Variants in DNER observed in about 807,000 individuals in gnomAD.
DNER encodes the protein delta/notch like EGF repeat containing.
DNER carries 33 observed loss-of-function variants against 78.2 expected under a neutral mutation model. That is an observed-to-expected ratio of 0.42 (90% CI 0.32 to 0.56). DNER has a LOEUF of 0.56. Ranked by LOEUF, DNER falls within the 20% of genes least tolerant of loss-of-function variation. DNER has a pLI of 0.11. For synonymous variants in DNER, 417 were observed against 384.8 expected, an observed-to-expected ratio of 1.08 and a Z score of -0.98; for missense variants, 918 against 975.3, an observed-to-expected ratio of 0.94 and a Z score of 0.78.
intron 8 of DNER, among the ~76,000 whole-genome samples, chr2:229,421,659 A>AGAGAGAGAGAGAGG (rs61049506): frequency 1.4e-5 from 2 of 144,594 alleles, no homozygotes; most frequent in African/African-American, 5.2e-5. Flanking sequence ...AGAGAGAGAG[A>AGAGAGAGAGAGAGG]GAGAAAGTGG....
At chr2:229,671,358 G>C (rs1364111924) in intron 1 of DNER, among the ~76,000 whole-genome samples, 1 of 152,156 alleles carries the variant, frequency 6.6e-6, no homozygotes, top group East Asian at 1.9e-4. Flanking sequence ...TCCTCCTGCT[G>C]TTCCTCCAAA....
intron 4 of DNER, among the ~76,000 whole-genome samples, chr2:229,572,096 TA>T (rs1697228445): frequency 6.6e-6 from 1 of 152,158 alleles, no homozygotes; most frequent in Non-Finnish European, 1.5e-5. Context: ...TCCACTACCC[TA>T]GCCAAATTGT....
At chr2:229,586,843 A>T (rs533367507) in intron 3 of DNER, 1 of 985,494 alleles carries the variant, frequency 1.0e-6, no homozygotes, top group Non-Finnish European at 1.2e-6. Flanking sequence ...GACTCCGCAC[A>T]GATCCGCTCC....
chr2:229,495,073 A>G (rs1695472476), intron 6 of DNER, among the ~76,000 whole-genome samples: 1 of 152,154 alleles, frequency 6.6e-6, no homozygotes, highest in Non-Finnish European at 1.5e-5. Context: ...GAATTTTCCA[A>G]ATCTTCAAGT....
intron 9 of DNER, among the ~76,000 whole-genome samples, chr2:229,410,515 T>C (rs963567248): frequency 1.3e-5 from 2 of 152,182 alleles, no homozygotes; most frequent in South Asian, 4.1e-4. Flanking sequence ...GAAAACCAGG[T>C]CCACACTTCA....
chr2:229,687,894 C>A (rs1346689371), intron 1 of DNER, among the ~76,000 whole-genome samples: 1 of 152,234 alleles, frequency 6.6e-6, no homozygotes, highest in African/African-American at 2.4e-5. Context: ...TCTACCTTAA[C>A]TGTCACCATT....
intron 3 of DNER, among the ~76,000 whole-genome samples, chr2:229,586,508 TAAA>T (rs555047737): frequency 7.4e-5 from 1 of 13,484 alleles, no homozygotes; most frequent in African/African-American, 2.7e-4. Flanking sequence ...TCATTTTTGG[TAAA>T]AAAAAAAAAA....
chr2:229,696,731 A>G (rs1699668050), intron 1 of DNER, among the ~76,000 whole-genome samples: 1 of 152,148 alleles, frequency 6.6e-6, no homozygotes, highest in Non-Finnish European at 1.5e-5. Flanking sequence ...ACATGAAGAG[A>G]CAAGGGATTT....
At chr2:229,643,577 G>T (rs1451445632) in intron 1 of DNER, among the ~76,000 whole-genome samples, 1 of 152,182 alleles carries the variant, frequency 6.6e-6, no homozygotes, top group Non-Finnish European at 1.5e-5. Context: ...ACCTTGGGTA[G>T]GTTACTTAGG....
rs372715730 is a variant in DNER, at chr2:229,398,669, C to T, written c.1723+8563G>A. Among the ~76,000 whole-genome samples the T allele has an allele frequency of 2.0e-4, 31 of 152,088 alleles. 1 individual carries two copies. The highest frequency in any genetic ancestry group is 6.5e-4 in the African/African-American group (27 of 41,538). The stretch of plus-strand genomic sequence containing the variant: ...ACAACTTGAGAAACAACTTGTTTCT[C>T]ATGACTATAGATACAAAAATTCTGA... On this transcript the variant is annotated intron_variant, in intron 10 of 12. Coordinates refer to ENST00000341772, the MANE Select transcript of DNER (RefSeq NM_139072.4).
At chr2:229,625,355 G>A (rs753658826) in intron 1 of DNER, among the ~76,000 whole-genome samples, 2 of 152,042 alleles carry the variant, frequency 1.3e-5, no homozygotes, top group Non-Finnish European at 2.9e-5. Flanking sequence ...CCTGCTTCCC[G>A]ATTCCACTCC....
At chr2:229,402,542 A>G (rs1693290201) in intron 10 of DNER, among the ~76,000 whole-genome samples, 1 of 152,230 alleles carries the variant, frequency 6.6e-6, no homozygotes, top group Non-Finnish European at 1.5e-5. Context: ...AGAGAAAGAT[A>G]TAGTAACATC....
intron 1 of DNER, among the ~76,000 whole-genome samples, chr2:229,672,558 GGAGGAGGAA>G (rs1699227832): frequency 6.6e-6 from 1 of 151,628 alleles, no homozygotes; most frequent in Admixed American, 6.6e-5. Context: ...AGGACTAGGA[GGAGGAGGAA>G]GAGGAGAGAA....
chr2:229,712,659 G>C (rs1335525498), intron 1 of DNER, among the ~76,000 whole-genome samples: 1 of 152,184 alleles, frequency 6.6e-6, no homozygotes, highest in Admixed American at 6.5e-5. Context: ...TTGATTTGCA[G>C]TTATTTTGAC....
chr2:229,676,191 AG>A (rs1360839438), intron 1 of DNER, among the ~76,000 whole-genome samples: 1 of 152,216 alleles, frequency 6.6e-6, no homozygotes, highest in Non-Finnish European at 1.5e-5. Context: ...GCCTTACAAG[AG>A]GAGCATCACA....
intron 9 of DNER, among the ~76,000 whole-genome samples, chr2:229,417,578 G>A (rs1308034455): frequency 6.6e-6 from 1 of 152,072 alleles, no homozygotes; most frequent in African/African-American, 2.4e-5. Flanking sequence ...ACCTCATAGG[G>A]TTCTCGGGGG....
Position 229,453,920 on chromosome 2 carries a change from T to TAAAA in DNER, c.1262-6384_1262-6381dup, listed in dbSNP as rs10602558. Among the ~76,000 whole-genome samples, 352 of 106,790 alleles carry TAAAA rather than the reference T, an allele frequency of 3.3e-3. 2 individuals carry two copies. Among genetic ancestry groups the TAAAA allele is most frequent in the African/African-American group, 6.9e-3 (209 of 30,116 alleles). 70.1% of individuals were successfully genotyped at this position (106,790 alleles called of 152,430 possible). On this transcript the variant is annotated intron_variant, in intron 7 of 12. Transcript: ENST00000341772. ...GGGTTTGGTCAGGAATAAAATATAT[T>TAAAA]AAAAAAAAAAAAAAAAAAAAAAGAA...
chr2:229,406,332 G>A (rs1307505633), intron 10 of DNER, among the ~76,000 whole-genome samples: 6 of 152,136 alleles, frequency 3.9e-5, no homozygotes, highest in Admixed American at 1.3e-4. Context: ...GCAATCCAGA[G>A]TGACCCTTAA....
chr2:229,535,819 T>C (rs759510321), intron 5 of DNER, among the ~76,000 whole-genome samples: 8 of 151,824 alleles, frequency 5.3e-5, no homozygotes, highest in Non-Finnish European at 1.2e-4. Flanking sequence ...AATTGTTGTA[T>C]TTTTAGTTGA....
Sources: gnomAD v4.1 joint callset for allele counts (sites outside exome capture counted in the v4.1 genomes callset) on GRCh38, gnomAD v4.1.1 for gene constraint, MANE v1.5 for transcripts, NCBI Gene and HGNC (gene_info 2026-07-23, HGNC 2026-07-21) for gene names.